The following NTN1 variants were observed in gnomAD, a reference collection of about 807,000 sequenced individuals.
NTN1 encodes netrin 1.
A neutral mutation model predicts 54.2 loss-of-function variants in NTN1; 11 were observed. That is an observed-to-expected ratio of 0.20 (90% CI 0.13 to 0.34). The LOEUF (loss-of-function observed/expected upper bound fraction) is 0.34. Among genes scored for constraint, NTN1 ranks in the 10% least tolerant of loss-of-function variants. The probability of loss-of-function intolerance (pLI) is 1.00; values close to 1 mark genes in which losing one functional copy is unlikely to be tolerated. For missense variants in NTN1, 740 were observed against 893.1 expected, an observed-to-expected ratio of 0.83 and a Z score of 2.18; for synonymous variants, 371 against 382.0, an observed-to-expected ratio of 0.97 and a Z score of 0.33.
intron 5 of NTN1, among the ~76,000 whole-genome samples, chr17:9,193,938 A>AAAAAAAAAAAAAAAAAC (rs796452392): frequency 3.7e-5 from 4 of 108,304 alleles, no homozygotes; most frequent in East Asian, 3.0e-4. Flanking sequence ...AAAAAAAAAA[A>AAAAAAAAAAAAAAAAAC]AAAAAACATT....
chr17:9,088,877 G>C (rs545912836), intron 2 of NTN1, among the ~76,000 whole-genome samples: 1 of 152,260 alleles, frequency 6.6e-6, no homozygotes, highest in South Asian at 2.1e-4. Flanking sequence ...CTTGTGGCCA[G>C]CCATCACGAA....
At position 9,185,410 on chromosome 17, in the gene NTN1, G is replaced by T. The variant is rs188151246; in HGVS notation, c.1411+2441G>T. On this transcript the variant is annotated intron_variant, in intron 5 of 6. Transcript: ENST00000173229. ...GCCTGAGAAAAGCTTGTTTACTTTTGCCTGCGTACCAGAGGAGAATTAATA... is the reference window on the plus strand; with the variant it reads ...GCCTGAGAAAAGCTTGTTTACTTTTTCCTGCGTACCAGAGGAGAATTAATA... Among the ~76,000 whole-genome samples the T allele has an allele frequency of 3.2e-3, 494 of 152,326 alleles. 2 individuals carry two copies. The highest frequency in any genetic ancestry group is 0.011 in the African/African-American group (471 of 41,570).
intron 2 of NTN1, among the ~76,000 whole-genome samples, chr17:9,099,146 G>C (rs111570115): frequency 0.012 from 1,846 of 152,360 alleles, 44 homozygotes; most frequent in African/African-American, 0.041. Context: ...GCGCACGCTT[G>C]TGATCCCAGC....
intron 2 of NTN1, among the ~76,000 whole-genome samples, chr17:9,148,752 T>C (rs956741293): frequency 3.3e-5 from 5 of 151,982 alleles, no homozygotes; most frequent in East Asian, 3.9e-4. Context: ...GGTTTCACCC[T>C]GTCCCTGTCC....
chr17:9,084,737 C>T (rs12150395), intron 2 of NTN1, among the ~76,000 whole-genome samples: 79,686 of 148,530 alleles, frequency 0.54, 22,651 homozygotes, highest in East Asian at 0.95. Flanking sequence ...CTGCAACCTC[C>T]GCCTCCTGGG....
intron 2 of NTN1, among the ~76,000 whole-genome samples, chr17:9,070,963 T>G (rs548384280): frequency 2.0e-4 from 30 of 152,032 alleles, no homozygotes; most frequent in Non-Finnish European, 3.5e-4. Flanking sequence ...GGACCCATAG[T>G]TCGGTCTTCC....
intron 5 of NTN1, among the ~76,000 whole-genome samples, chr17:9,201,119 T>C (rs1904772569): frequency 6.6e-6 from 1 of 152,244 alleles, no homozygotes; most frequent in African/African-American, 2.4e-5. Context: ...GTTCATCTTA[T>C]GAGGCAGAAT....
chr17:9,224,382 G>A (rs922945919), intron 6 of NTN1, among the ~76,000 whole-genome samples: 7 of 152,316 alleles, frequency 4.6e-5, no homozygotes, highest in East Asian at 1.9e-4. Flanking sequence ...CTCTTGGGGC[G>A]GGGAAGGGTG....
At chr17:9,128,250 C>T (rs1235877097) in intron 2 of NTN1, among the ~76,000 whole-genome samples, 1 of 150,742 alleles carries the variant, frequency 6.6e-6, no homozygotes, top group Admixed American at 6.6e-5. Flanking sequence ...GCGGAGGTTG[C>T]AGTGAGCTGA....
At chr17:9,143,897 G>C (rs1474045832) in intron 2 of NTN1, among the ~76,000 whole-genome samples, 1 of 147,332 alleles carries the variant, frequency 6.8e-6, no homozygotes, top group Non-Finnish European at 1.5e-5. Flanking sequence ...ACCTTTACCT[G>C]CTTTTTTTTT....
intron 2 of NTN1, among the ~76,000 whole-genome samples, chr17:9,094,817 C>T (rs554493193): frequency 2.6e-5 from 4 of 152,038 alleles, no homozygotes; most frequent in South Asian, 2.1e-4. Flanking sequence ...GGTGAAACCC[C>T]GTCTCTACTA....
chr17:9,061,656 C>T (rs973728101), intron 2 of NTN1, among the ~76,000 whole-genome samples: 1 of 152,074 alleles, frequency 6.6e-6, no homozygotes, highest in Non-Finnish European at 1.5e-5. Flanking sequence ...AAGCGATGGG[C>T]ATCCAGGAGC....
At chr17:9,056,948 G>GC (rs1394416954) in intron 2 of NTN1, among the ~76,000 whole-genome samples, 1 of 152,110 alleles carries the variant, frequency 6.6e-6, no homozygotes, top group Non-Finnish European at 1.5e-5. Context: ...CTTGCTGTGT[G>GC]CCCCCCGTCT....
intron 5 of NTN1, among the ~76,000 whole-genome samples, chr17:9,185,630 A>G (rs1267926022): frequency 2.0e-5 from 3 of 151,920 alleles, no homozygotes; most frequent in African/African-American, 7.3e-5. Flanking sequence ...AACAGGGAGG[A>G]AAGGAGAGAG....
At chr17:9,181,441 TGGA>T (rs2092418806) in intron 4 of NTN1, among the ~76,000 whole-genome samples, 1 of 152,220 alleles carries the variant, frequency 6.6e-6, no homozygotes, top group African/African-American at 2.4e-5. Context: ...AGGATTAGAC[TGGA>T]CCATTCAGAT....
intron 5 of NTN1, among the ~76,000 whole-genome samples, chr17:9,216,184 C>T (rs1203342951): frequency 6.6e-6 from 1 of 152,222 alleles, no homozygotes; most frequent in Non-Finnish European, 1.5e-5. Flanking sequence ...TCTTGAACTC[C>T]TAGCCTCAAG....
chr17:9,205,011 T>G (rs189818658), intron 5 of NTN1, among the ~76,000 whole-genome samples: 2 of 152,302 alleles, frequency 1.3e-5, no homozygotes, highest in East Asian at 3.9e-4. Context: ...TCTTCTTTTC[T>G]TTCTCTTCTT....
chr17:9,017,316 C>T (rs1408191998), upstream of NTN1, among the ~76,000 whole-genome samples: 3 of 152,166 alleles, frequency 2.0e-5, no homozygotes, highest in Non-Finnish European at 4.4e-5. Flanking sequence ...CTCCACAACC[C>T]CAGACAGCCT....
At chr17:9,067,766 A>G (rs2092019881) in intron 2 of NTN1, among the ~76,000 whole-genome samples, 1 of 152,100 alleles carries the variant, frequency 6.6e-6, no homozygotes. Context: ...ATCTCTGCCC[A>G]TCTAGCCCCT....
Sources: gnomAD v4.1 joint callset for allele counts (sites outside exome capture counted in the v4.1 genomes callset) on GRCh38, gnomAD v4.1.1 for gene constraint, MANE v1.5 for transcripts, NCBI Gene and HGNC (gene_info 2026-07-23, HGNC 2026-07-21) for gene names.